NSL1: variants seen among roughly 807,000 people sequenced by gnomAD.
NSL1 encodes the protein NSL1 component of MIS12 kinetochore complex, also known as kinetochore-associated protein NSL1 homolog.
In NSL1, 11 loss-of-function variants were observed where a neutral mutation model predicts 25.4. The observed-to-expected ratio is 0.43, with a 90% CI of 0.27 to 0.72. The LOEUF is 0.72. Among genes scored for constraint, NSL1 ranks in the 30% least tolerant of loss-of-function variants. NSL1 has a pLI of 0.19. For synonymous variants in NSL1, 118 were observed against 120.6 expected, an observed-to-expected ratio of 0.98 and a Z score of 0.14; for missense variants, 330 against 342.7, an observed-to-expected ratio of 0.96 and a Z score of 0.29.
intron 4 of NSL1, among the ~76,000 whole-genome samples, chr1:212,742,202 A>G (rs1658539365): frequency 6.6e-6 from 1 of 152,196 alleles, no homozygotes; most frequent in South Asian, 2.1e-4. Context: ...CTCAGACCCA[A>G]CTATACCAAA....
At chr1:212,777,022 G>C (rs1660404410) in intron 4 of NSL1, among the ~76,000 whole-genome samples, 1 of 150,334 alleles carries the variant, frequency 6.7e-6, no homozygotes, top group African/African-American at 2.4e-5. Flanking sequence ...AAAAATTAGA[G>C]AAGGCAACAA....
chr1:212,777,101 C>T (rs1660409226), intron 4 of NSL1, among the ~76,000 whole-genome samples: 1 of 151,680 alleles, frequency 6.6e-6, no homozygotes, highest in Non-Finnish European at 1.5e-5. Flanking sequence ...TAGGCTGGTG[C>T]AGTAGCTCAT....
At chr1:212,739,745 G>T in intron 4 of NSL1, 144 bp from the exon 5 acceptor site, 1 of 681,858 alleles carries the variant, frequency 1.5e-6, no homozygotes, top group Non-Finnish European at 2.5e-6. Flanking sequence ...ATCTTTCTCA[G>T]AGTGAGACCA....
chr1:212,761,727 C>T (rs1277502986), intron 4 of NSL1, among the ~76,000 whole-genome samples: 1 of 151,902 alleles, frequency 6.6e-6, no homozygotes, highest in Non-Finnish European at 1.5e-5. Context: ...CACAGACAAA[C>T]ACAAGGACAT....
rs1433490498 is a variant in NSL1 at position 212,731,199 on chromosome 1, A to C, written c.*7209T>G. 2.2e-5 allele frequency: 21 copies of C among 952,908 alleles called. No homozygotes were observed. Among genetic ancestry groups the C allele is most frequent in the Non-Finnish European group, 2.4e-5 (19 of 803,396 alleles). The allele number at this position is 952,908 out of a possible 1,614,324, so 59.0% of individuals were successfully genotyped here. On this transcript the variant is annotated 3_prime_UTR_variant, in exon 6 of 6. Transcript: ENST00000366977. ...GGTCAGAGGGGAGAAAAAAAAAAAA[A>C]CCTGAAGAAACCAAAACTAGAATTA...
At chr1:212,776,008 T>C (rs2102390202) in intron 4 of NSL1, among the ~76,000 whole-genome samples, 1 of 152,212 alleles carries the variant, frequency 6.6e-6, no homozygotes, top group Middle Eastern at 3.4e-3. Context: ...TTCGTATTTT[T>C]AGTAGAGACG....
At chr1:212,788,984 C>T (rs886720170) in intron 1 of NSL1, among the ~76,000 whole-genome samples, 1 of 152,152 alleles carries the variant, frequency 6.6e-6, no homozygotes, top group Admixed American at 6.5e-5. Context: ...TCCCCAAGTA[C>T]TCTCCAAAAT....
rs541215299 is a variant in NSL1 at position 212,791,751 on chromosome 1, G to C, written c.13C>G (p.Pro5Ala). The change falls in exon 1 of 6, where the codon CCT (proline) becomes GCT (alanine). Residue 5 changes from proline (P) to alanine (A), a missense_variant. Physicochemically the swap from Pro to Ala is conservative, Grantham distance 27. Coordinates refer to ENST00000366977, the MANE Select transcript of NSL1 (RefSeq NM_015471.4). ...GGAGGGTCAAGGACCACCAACTCAG[G>C]AGACCCCGCCATTTTTCGTCGGAAC... is the stretch of plus-strand genomic sequence containing the variant. The part of the protein sequence containing the change: MAGS[P>A]ELVVLDPPWD... The C allele has an allele frequency of 6.2e-7, 1 of 1,606,352 alleles. No individual in the cohort carries two copies. Among genetic ancestry groups the C allele is most frequent in the East Asian group, 2.2e-5 (1 of 44,732 alleles).
chr1:212,738,760 A>T, intron 5 of NSL1, 74 bp from the exon 6 acceptor site: 4 of 1,256,336 alleles, frequency 3.2e-6, no homozygotes, highest in South Asian at 1.5e-5. Flanking sequence ...TGGATGCAGT[A>T]CTCTAATTTT....
chr1:212,770,927 A>T (rs1660075330), intron 4 of NSL1, among the ~76,000 whole-genome samples: 1 of 152,238 alleles, frequency 6.6e-6, no homozygotes, highest in Non-Finnish European at 1.5e-5. Flanking sequence ...GTGATACATC[A>T]CATCAACAGA....
chr1:212,728,779 C>T lies in NSL1; in HGVS notation c.*9629G>A, dbSNP rs1657889388. On this transcript the variant is annotated 3_prime_UTR_variant, in exon 6 of 6. Coordinates refer to ENST00000366977, the MANE Select transcript of NSL1 (RefSeq NM_015471.4). Reference sequence around the variant, plus strand: ...TTGTTGCCACATCTCGCAGCTTCTCCCTTCTGTTTTTCCTCTCACTCTGAC... The same window carrying T: ...TTGTTGCCACATCTCGCAGCTTCTCTCTTCTGTTTTTCCTCTCACTCTGAC... The T allele has an allele frequency of 1.0e-6, 1 of 985,254 alleles. No individual in the cohort carries two copies. Among genetic ancestry groups the T allele is most frequent in the African/African-American group, 1.7e-5 (1 of 57,216 alleles). The allele number at this position is 985,254 out of a possible 1,614,324, so 61.0% of individuals were successfully genotyped here. A position where few individuals can be genotyped will look rare whatever the true frequency, so the allele number is the denominator to read the frequency against.
intron 4 of NSL1, among the ~76,000 whole-genome samples, chr1:212,776,962 A>T (rs115596146): frequency 0.013 from 1,962 of 152,076 alleles, 33 homozygotes; most frequent in African/African-American, 0.045. Flanking sequence ...CAAAAACAGG[A>T]GGATCATAAT....
At position 212,791,688 on chromosome 1, in the gene NSL1, C is replaced by T; in HGVS notation, c.76G>A (p.Ala26Thr). ...TCTCGGGGAGTGGCGGAGACCAAGG[C>T]CTGGCTCTCTGTGCCAGCCGCGAGC... The part of the protein sequence containing the change: ...KELAAGTESQ[A>T]LVSATPREDF... Residue 26 changes from alanine to threonine, a missense_variant, in exon 1 of 6, where the codon GCC becomes ACC. Ala to Thr is a moderately conservative substitution (Grantham distance 58). Coordinates refer to ENST00000366977, the MANE Select transcript of NSL1 (RefSeq NM_015471.4). 6.2e-7 allele frequency: 1 copy of T among 1,613,912 alleles called. No individual in the cohort carries two copies. The highest frequency in any genetic ancestry group is 8.5e-7 in the Non-Finnish European group (1 of 1,180,004).
Position 212,729,192 on chromosome 1 carries a change from AACCC to A in NSL1, c.*9212_*9215del. ...GCAGGTAATTCCACAGAAGTTTCCA[AACCC>A]ATGAGTTTCACTCTCAGGTTCCCTC... On this transcript the variant is annotated 3_prime_UTR_variant, in exon 6 of 6. Coordinates refer to ENST00000366977, the MANE Select transcript of NSL1 (RefSeq NM_015471.4). 1 of 985,494 alleles carries A rather than the reference AACCC, an allele frequency of 1.0e-6. No individual in the cohort carries two copies. The highest frequency in any genetic ancestry group is 1.2e-6 in the Non-Finnish European group (1 of 829,938). 61.0% of individuals were successfully genotyped at this position (985,494 alleles called of 1,614,324 possible).
At chr1:212,750,857 C>T (rs1459600673) in intron 4 of NSL1, among the ~76,000 whole-genome samples, 1 of 152,024 alleles carries the variant, frequency 6.6e-6, no homozygotes, top group African/African-American at 2.4e-5. Context: ...GGGAGGATGG[C>T]TTGAACCTGA....
rs59293969 is a variant in NSL1, at chr1:212,745,160, CTATATATATATATATATATA to C, written c.500-5579_500-5560del. On this transcript the variant is annotated intron_variant, in intron 4 of 5. Transcript: ENST00000366977. ...CAAAACAAACAAACAAACAAACAAACTATATATATATATATATATATATATATATATATATATATATATGC... is the reference window on the plus strand; with the variant it reads ...CAAAACAAACAAACAAACAAACAAACTATATATATATATATATATATATGC... 2.6e-3 allele frequency among the ~76,000 whole-genome samples: 305 copies of C among 117,700 alleles called. 6 individuals are homozygous for C. The highest frequency in any genetic ancestry group is 0.012 in the African/African-American group (286 of 24,748). The allele number at this position is 117,700 out of a possible 152,430, so 77.2% of individuals were successfully genotyped here. A position where few individuals can be genotyped will look rare whatever the true frequency, so the allele number is the denominator to read the frequency against.
At chr1:212,748,757 G>T (rs977128903) in intron 4 of NSL1, among the ~76,000 whole-genome samples, 1 of 152,060 alleles carries the variant, frequency 6.6e-6, no homozygotes, top group Non-Finnish European at 1.5e-5. Context: ...TGTTATACAG[G>T]GTATCCATAA....
chr1:212,739,583 A>T lies in NSL1; in HGVS notation c.518T>A (p.Leu173Ter). Reference sequence around the variant, plus strand: ...TGCTACTGTTTCCCCTCTGCATTTCAAATTTTCCATATGAGGGGCTGCAAA... The same window carrying T: ...TGCTACTGTTTCCCCTCTGCATTTCTAATTTTCCATATGAGGGGCTGCAAA... ...DPDPAPHMEN[L>*]KCRGETVAKE... Residue 173 changes from leucine (L) to a stop codon, truncating the protein, a stop_gained, in exon 5 of 6, where the codon TTG (leucine) becomes TAG (stop). Coordinates refer to ENST00000366977, the MANE Select transcript of NSL1 (RefSeq NM_015471.4). LOFTEE classifies it high-confidence loss of function. 1 of 1,613,554 alleles carries T rather than the reference A, an allele frequency of 6.2e-7. No individual in the cohort carries two copies. Among genetic ancestry groups the T allele is most frequent in the Non-Finnish European group, 8.5e-7 (1 of 1,179,702 alleles).
In NSL1 at chr1:212,737,883, A is replaced by C. The variant is rs1485687621; in HGVS notation, c.*525T>G. The stretch of plus-strand genomic sequence containing the variant: ...AAATTAGCTGAACATGGAGTAACAA[A>C]GTCAAAGCCAGTATTATCATCAGCA... On this transcript the variant is annotated 3_prime_UTR_variant, in exon 6 of 6. Transcript: ENST00000366977. 1.0e-6 allele frequency: 1 copy of C among 985,392 alleles called. No individual in the cohort carries two copies. Among genetic ancestry groups the C allele is most frequent in the Non-Finnish European group, 1.2e-6 (1 of 829,964 alleles). The allele number at this position is 985,392 out of a possible 1,614,324, so 61.0% of individuals were successfully genotyped here.
Sources: allele counts gnomAD v4.1 joint callset (sites outside exome capture counted in the v4.1 genomes callset), GRCh38; gene constraint gnomAD v4.1.1; transcripts MANE v1.5; gene names NCBI Gene and HGNC (gene_info 2026-07-23, HGNC 2026-07-21).